BMP2K: variants seen among roughly 807,000 people sequenced by gnomAD.
BMP2K encodes BMP-2-inducible protein kinase.
A neutral mutation model predicts 116.0 loss-of-function variants in BMP2K; 74 were observed. The ratio of observed to expected loss-of-function variants is 0.64; its 90% CI spans 0.53 to 0.77. BMP2K has a LOEUF of 0.77. BMP2K is among the 30% of genes least tolerant of loss of function. BMP2K has a pLI of 0.00. For synonymous variants in BMP2K, 486 were observed against 502.5 expected (o/e 0.97, Z 0.44); for missense variants, 1,365 against 1,403.6 (o/e 0.97, Z 0.44).
At chr4:78,895,928 A>C (rs1217539953) in intron 15 of BMP2K, among the ~76,000 whole-genome samples, 1 of 151,860 alleles carries the variant, frequency 6.6e-6, no homozygotes, top group Non-Finnish European at 1.5e-5. Context: ...CGCCCAGCTA[A>C]TTTTTTAATT....
intron 14 of BMP2K, among the ~76,000 whole-genome samples, chr4:78,882,663 A>G (rs1426798329): frequency 2.0e-5 from 3 of 151,966 alleles, no homozygotes; most frequent in Non-Finnish European, 2.9e-5. Flanking sequence ...TATACTCGTT[A>G]ATTAAAACTA....
rs918847671 is a variant in BMP2K at position 78,916,119 on chromosome 4, G to A, written c.*4086G>A. Reference sequence around the variant, plus strand: ...AACTTCAGTCCTCAAATATAGCTGGGAAACAATTATGAGATAGACTCAGTC... The same window carrying A: ...AACTTCAGTCCTCAAATATAGCTGGAAAACAATTATGAGATAGACTCAGTC... On this transcript the variant is annotated 3_prime_UTR_variant, in exon 16 of 16. Coordinates refer to ENST00000502613, the MANE Select transcript of BMP2K (RefSeq NM_198892.2). 2 of 151,716 alleles carry A rather than the reference G, an allele frequency of 1.3e-5. No homozygotes were observed. The highest frequency in any genetic ancestry group is 6.6e-5 in the Admixed American group (1 of 15,184). The allele number at this position is 151,716 out of a possible 1,614,324, so 9.4% of individuals were successfully genotyped here.
At chr4:78,860,587 C>T (rs1040243869) in intron 8 of BMP2K, among the ~76,000 whole-genome samples, 1 of 151,754 alleles carries the variant, frequency 6.6e-6, no homozygotes, top group Admixed American at 6.6e-5. Context: ...CATTTAACTA[C>T]TTTAGGTGAA....
chr4:78,852,322 T>G (rs1408709877), intron 7 of BMP2K, among the ~76,000 whole-genome samples: 1 of 152,172 alleles, frequency 6.6e-6, no homozygotes, highest in Non-Finnish European at 1.5e-5. Flanking sequence ...ATTTTAGTTT[T>G]TATCATTGCT....
intron 1 of BMP2K, among the ~76,000 whole-genome samples, chr4:78,800,236 A>G (rs1728503743): frequency 6.6e-6 from 1 of 152,180 alleles, no homozygotes; most frequent in African/African-American, 2.4e-5. Flanking sequence ...TGGCTCTGTG[A>G]TGAGACTTTT....
intron 15 of BMP2K, among the ~76,000 whole-genome samples, chr4:78,901,189 G>A: frequency 6.6e-6 from 1 of 151,870 alleles, no homozygotes; most frequent in Non-Finnish European, 1.5e-5. Context: ...GACTATAGGT[G>A]TGCACCACCA....
intron 1 of BMP2K, among the ~76,000 whole-genome samples, chr4:78,781,090 G>A (rs760369282): frequency 1.3e-5 from 2 of 152,204 alleles, no homozygotes; most frequent in African/African-American, 2.4e-5. Flanking sequence ...TGAATCACAT[G>A]TAAGAGAGAT....
intron 13 of BMP2K, among the ~76,000 whole-genome samples, chr4:78,874,716 A>G (rs1353585071): frequency 6.6e-6 from 1 of 152,192 alleles, no homozygotes; most frequent in Non-Finnish European, 1.5e-5. Context: ...AAATCTGTCT[A>G]AACTTCTGAT....
intron 13 of BMP2K, among the ~76,000 whole-genome samples, chr4:78,873,585 A>G (rs975815940): frequency 6.6e-6 from 1 of 152,138 alleles, no homozygotes. Context: ...CAGCAGCATC[A>G]GTAGCATACT....
chr4:78,892,509 A>G (rs1180444813), intron 15 of BMP2K, among the ~76,000 whole-genome samples: 1 of 152,200 alleles, frequency 6.6e-6, no homozygotes, highest in African/African-American at 2.4e-5. Flanking sequence ...TCTTTAAAGA[A>G]CCAACTTTTG....
chr4:78,866,643 T>C (rs1732065653), intron 10 of BMP2K, among the ~76,000 whole-genome samples: 1 of 152,162 alleles, frequency 6.6e-6, no homozygotes, highest in Non-Finnish European at 1.5e-5. Context: ...GGTGATGTTT[T>C]TATTTTTTAT....
intron 14 of BMP2K, among the ~76,000 whole-genome samples, chr4:78,882,912 C>G (rs1732930186): frequency 6.6e-6 from 1 of 152,008 alleles, no homozygotes; most frequent in African/African-American, 2.4e-5. Flanking sequence ...AGAACTATTA[C>G]TGTTCCTTCA....
chr4:78,821,357 G>GT (rs1376295071), intron 1 of BMP2K, among the ~76,000 whole-genome samples: 2 of 151,904 alleles, frequency 1.3e-5, no homozygotes, highest in African/African-American at 4.8e-5. Context: ...TTATCTGTAT[G>GT]TTTTTTCCAG....
At chr4:78,887,819 C>T (rs181380884) in intron 15 of BMP2K, among the ~76,000 whole-genome samples, 3 of 152,136 alleles carry the variant, frequency 2.0e-5, no homozygotes, top group African/African-American at 7.2e-5. Context: ...GGAATAGGAT[C>T]GTGCATTGGC....
At chr4:78,908,474 A>C (rs1173678757) in intron 15 of BMP2K, among the ~76,000 whole-genome samples, 1 of 152,004 alleles carries the variant, frequency 6.6e-6, no homozygotes, top group Admixed American at 6.6e-5. Context: ...CTGACTTCTG[A>C]ATGTTTTATA....
At chr4:78,781,132 C>T (rs1003108822) in intron 1 of BMP2K, among the ~76,000 whole-genome samples, 11 of 152,044 alleles carry the variant, frequency 7.2e-5, no homozygotes, top group Non-Finnish European at 1.2e-4. Context: ...GACCAGGGTC[C>T]GGGGCTTAGT....
At chr4:78,837,618 T>G (rs1218251653) in intron 3 of BMP2K, among the ~76,000 whole-genome samples, 1 of 152,206 alleles carries the variant, frequency 6.6e-6, no homozygotes, top group Non-Finnish European at 1.5e-5. Flanking sequence ...TCTGTGGATA[T>G]TAATTTCAGT....
At chr4:78,865,839 A>G in intron 10 of BMP2K, 119 bp downstream of exon 10, 1 of 1,010,512 alleles carries the variant, frequency 9.9e-7, no homozygotes, top group Non-Finnish European at 1.4e-6. Flanking sequence ...TAATGCTTTC[A>G]GAAACTTTCT....
Position 78,910,638 on chromosome 4 carries a change from A to T in BMP2K, c.2091A>T (p.Ser697=), listed in dbSNP as rs1734537337. 1.3e-6 allele frequency: 2 copies of T among 1,550,448 alleles called. No homozygotes were observed. The highest frequency in any genetic ancestry group is 1.7e-6 in the Non-Finnish European group (2 of 1,155,016). Residue 697 remains serine, a synonymous_variant, in exon 16 of 16, where the codon TCA becomes TCT. Transcript: ENST00000502613. ...SGSPEKKAEH[S]SINQENGTAN... The stretch of plus-strand genomic sequence containing the variant: ...CTCCTGAAAAGAAAGCTGAACATTC[A>T]TCTATAAATCAAGAAAATGGCACTG...
Sources: gnomAD v4.1 joint callset for allele counts (sites outside exome capture counted in the v4.1 genomes callset) on GRCh38, gnomAD v4.1.1 for gene constraint, MANE v1.5 for transcripts, NCBI Gene and HGNC (gene_info 2026-07-23, HGNC 2026-07-21) for gene names.